NLK: variants seen among roughly 807,000 people sequenced by gnomAD.
NLK encodes the protein serine/threonine-protein kinase NLK.
A neutral mutation model predicts 59.0 loss-of-function variants in NLK; 11 were observed. The observed-to-expected ratio is 0.19, with a 90% confidence interval of 0.12 to 0.31. The LOEUF (loss-of-function observed/expected upper bound fraction) is 0.31. Ranked by LOEUF, NLK falls within the 10% of genes least tolerant of loss-of-function variation. NLK has a pLI of 1.00. For missense variants in NLK, 410 were observed against 661.1 expected (o/e 0.62, Z 4.16); for synonymous variants, 235 against 235.9 (o/e 1.00, Z 0.03).
chr17:28,107,491 C>CAGA (rs1011079292), intron 1 of NLK, among the ~76,000 whole-genome samples: 8 of 151,664 alleles, frequency 5.3e-5, no homozygotes, highest in Admixed American at 2.6e-4. Context: ...GAAGGTTACC[C>CAGA]AGAGGTTACC....
intron 1 of NLK, among the ~76,000 whole-genome samples, chr17:28,052,112 A>G (rs1209539939): frequency 6.6e-6 from 1 of 152,130 alleles, no homozygotes; most frequent in Non-Finnish European, 1.5e-5. Flanking sequence ...CTGTTTGCAA[A>G]TGAGCAATTT....
intron 1 of NLK, among the ~76,000 whole-genome samples, chr17:28,068,600 T>C (rs1909911102): frequency 6.6e-6 from 1 of 152,248 alleles, no homozygotes; most frequent in South Asian, 2.1e-4. Context: ...CTTTTGTTTT[T>C]AAAACGTATA....
At chr17:28,143,279 T>C (rs1907090067) in intron 3 of NLK, among the ~76,000 whole-genome samples, 1 of 152,094 alleles carries the variant, frequency 6.6e-6, no homozygotes, top group Non-Finnish European at 1.5e-5. Flanking sequence ...CCTGACCTCA[T>C]GATCCGCCCG....
chr17:28,182,515 A>C (rs1301429661), intron 7 of NLK, among the ~76,000 whole-genome samples: 1 of 152,164 alleles, frequency 6.6e-6, no homozygotes, highest in East Asian at 1.9e-4. Flanking sequence ...AAATGGCAGG[A>C]GCTTTCTGTG....
rs1305382748 is a variant in NLK at position 28,112,714 on chromosome 17, A to G, written c.459-9889A>G. On this transcript the variant is annotated intron_variant, in intron 1 of 10. Coordinates refer to ENST00000407008, the MANE Select transcript of NLK (RefSeq NM_016231.5). ...AACAGGCTAATTGAAAACCTGAAGC[A>G]CATCTATATATTGTAGCTGCTTCAG... 2.6e-5 allele frequency among the ~76,000 whole-genome samples: 4 copies of G among 152,170 alleles called. No individual in the cohort carries two copies. In the East Asian group the frequency reaches 7.7e-4, roughly 29 times the overall value.
At chr17:28,073,711 C>T (rs1219647236) in intron 1 of NLK, among the ~76,000 whole-genome samples, 1 of 152,208 alleles carries the variant, frequency 6.6e-6, no homozygotes, top group Non-Finnish European at 1.5e-5. Context: ...CTCCTCTTCA[C>T]TCACTTCAGA....
intron 1 of NLK, among the ~76,000 whole-genome samples, chr17:28,069,429 G>A (rs926117281): frequency 6.6e-6 from 1 of 152,112 alleles, no homozygotes; most frequent in Non-Finnish European, 1.5e-5. Context: ...GGGTTGTAGA[G>A]TACATATATA....
chr17:28,070,574 A>G (rs1159351028), intron 1 of NLK, among the ~76,000 whole-genome samples: 2 of 151,520 alleles, frequency 1.3e-5, no homozygotes, highest in Admixed American at 1.3e-4. Flanking sequence ...GATGGTCTTG[A>G]TCTCTTGACC....
chr17:28,202,179 T>C, the NLK span, among the ~76,000 whole-genome samples: 2 of 152,336 alleles, frequency 1.3e-5, no homozygotes, highest in East Asian at 3.9e-4. Flanking sequence ...GAGGTATTAC[T>C]TGAAGCCAGG....
chr17:28,063,373 A>G (rs1162072414), intron 1 of NLK, among the ~76,000 whole-genome samples: 2 of 152,232 alleles, frequency 1.3e-5, no homozygotes, highest in East Asian at 1.9e-4. Context: ...ATAGTTTAAT[A>G]TGGCATCCAA....
intron 3 of NLK, among the ~76,000 whole-genome samples, chr17:28,152,530 G>A (rs529788615): frequency 2.0e-5 from 3 of 151,974 alleles, no homozygotes; most frequent in Non-Finnish European, 2.9e-5. Context: ...CCTGTTCTTC[G>A]CATCCATGCA....
chr17:28,053,215 C>T (rs906515267), intron 1 of NLK, among the ~76,000 whole-genome samples: 2 of 152,158 alleles, frequency 1.3e-5, no homozygotes, highest in African/African-American at 2.4e-5. Flanking sequence ...TGAATACCAG[C>T]AGTAAATGCC....
downstream of NLK, among the ~76,000 whole-genome samples, chr17:28,199,524 G>A (rs1909568983): frequency 6.6e-6 from 1 of 151,972 alleles, no homozygotes; most frequent in African/African-American, 2.4e-5. Flanking sequence ...AAATTAGCCA[G>A]GCGTGGTGAT....
At chr17:28,150,804 C>T (rs1025777326) in intron 3 of NLK, among the ~76,000 whole-genome samples, 1 of 152,142 alleles carries the variant, frequency 6.6e-6, no homozygotes, top group African/African-American at 2.4e-5. Context: ...GGTTGGCATA[C>T]CATGCACAGT....
intron 3 of NLK, among the ~76,000 whole-genome samples, chr17:28,137,866 CCT>C (rs1184903099): frequency 1.3e-4 from 20 of 152,106 alleles, no homozygotes; most frequent in African/African-American, 4.6e-4. Flanking sequence ...TCTATCATGA[CCT>C]CTGTATCTTT....
chr17:28,148,800 C>T (rs1423875999), intron 3 of NLK, among the ~76,000 whole-genome samples: 1 of 152,130 alleles, frequency 6.6e-6, no homozygotes. Flanking sequence ...AGTAACAGAA[C>T]TAAGACTAAA....
intron 1 of NLK, among the ~76,000 whole-genome samples, chr17:28,099,680 G>A (rs1368949068): frequency 2.7e-5 from 4 of 147,670 alleles, no homozygotes; most frequent in Admixed American, 1.4e-4. Flanking sequence ...CCGGGTTCAC[G>A]CCATTCTCCT....
intron 3 of NLK, among the ~76,000 whole-genome samples, chr17:28,134,424 A>C (rs552498820): frequency 9.2e-5 from 14 of 152,332 alleles, no homozygotes; most frequent in African/African-American, 3.4e-4. Flanking sequence ...AGTGATACAA[A>C]TTAAAAAGCA....
intron 1 of NLK, among the ~76,000 whole-genome samples, chr17:28,070,183 C>A (rs1317661772): frequency 6.6e-6 from 1 of 151,410 alleles, no homozygotes; most frequent in Non-Finnish European, 1.5e-5. Flanking sequence ...TTGCAGTGAG[C>A]CAAGATCGCA....
Sources: gnomAD v4.1 joint callset for allele counts (sites outside exome capture counted in the v4.1 genomes callset) on GRCh38, gnomAD v4.1.1 for gene constraint, MANE v1.5 for transcripts, NCBI Gene and HGNC (gene_info 2026-07-23, HGNC 2026-07-21) for gene names.